The following PTCHD1 variants were observed in gnomAD, a reference collection of about 807,000 sequenced individuals.
The protein encoded by PTCHD1 is patched domain containing 1, also known as patched domain-containing protein 1.
Under a neutral mutation model 34.6 loss-of-function variants are expected in PTCHD1, and 3 were observed. The ratio of observed to expected loss-of-function variants is 0.09; its 90% CI spans 0.04 to 0.22. The LOEUF is 0.22. Among genes scored for constraint, PTCHD1 ranks in the 10% least tolerant of loss-of-function variants. The pLI, the probability that PTCHD1 is intolerant of heterozygous loss-of-function variation, is 1.00. For missense variants in PTCHD1, 504 were observed against 685.5 expected, an observed-to-expected ratio of 0.74 and a Z score of 2.96; for synonymous variants, 305 against 283.1, an observed-to-expected ratio of 1.08 and a Z score of -0.77.
intron 1 of PTCHD1, among the ~76,000 whole-genome samples, chrX:23,355,726 C>T (rs1387892331): frequency 8.9e-6 from 1 of 112,065 alleles, no homozygotes; most frequent in African/African-American, 3.2e-5. Context: ...ATCTGTAGGC[C>T]GGTTTAAATT....
intron 2 of PTCHD1, among the ~76,000 whole-genome samples, chrX:23,380,840 T>C (rs1310717749): frequency 1.8e-5 from 2 of 111,220 alleles, no homozygotes; most frequent in Non-Finnish European, 3.8e-5. Context: ...CCTTTGTGAT[T>C]CATTGAGGGC....
In PTCHD1 at chrX:23,343,674, T is replaced by C. The variant is rs112970919; in HGVS notation, c.351+8448T>C. Among the ~76,000 whole-genome samples the C allele has an allele frequency of 6.2e-3, 693 of 112,074 alleles. 7 individuals are homozygous for C. Among genetic ancestry groups the C allele is most frequent in the African/African-American group, 0.021 (634 of 30,820 alleles). On this transcript the variant is annotated intron_variant, in intron 1 of 2. Coordinates refer to ENST00000379361, the MANE Select transcript of PTCHD1 (RefSeq NM_173495.3). ...AAGAGGCAAACTTAAAAGAAAATGA[T>C]ACTGGTACAAAATCAGCATATTTCT...
chrX:23,390,805 C>T (rs776040563), intron 2 of PTCHD1, among the ~76,000 whole-genome samples: 1 of 112,065 alleles, frequency 8.9e-6, no homozygotes, highest in Non-Finnish European at 1.9e-5. Flanking sequence ...AGATGTACAC[C>T]TAGCTATTGT....
Position 23,378,144 on chromosome X carries a change from A to G in PTCHD1, c.352-1447A>G, listed in dbSNP as rs1038751041. Among the ~76,000 whole-genome samples the G allele has an allele frequency of 2.7e-5, 3 of 112,247 alleles. No homozygotes were observed. The Admixed American group carries it at 2.8e-4, about 11-fold the overall frequency. ...TGCACACGGGCCACATTTTATACAGAGAAAGCAAAGCCACCATGAGGATAA... is the reference window on the plus strand; with the variant it reads ...TGCACACGGGCCACATTTTATACAGGGAAAGCAAAGCCACCATGAGGATAA... On this transcript the variant is annotated intron_variant, in intron 1 of 2. Coordinates refer to ENST00000379361, the MANE Select transcript of PTCHD1 (RefSeq NM_173495.3).
intron 1 of PTCHD1, chrX:23,351,162 T>C: frequency 1.6e-6 from 1 of 638,557 alleles, no homozygotes; most frequent in Non-Finnish European, 2.5e-6. Flanking sequence ...GAGCCATGAA[T>C]ACTGTCCAAA....
In PTCHD1 at chrX:23,397,510, T is replaced by C. The variant is rs984740810; in HGVS notation, c.*3325T>C. 1.8e-5 allele frequency: 2 copies of C among 112,147 alleles called. No individual in the cohort carries two copies. The highest frequency in any genetic ancestry group is 2.8e-4 in the East Asian group (1 of 3,594). The allele number at this position is 112,147 out of a possible 1,213,427, so 9.2% of individuals were successfully genotyped here. A position where few individuals can be genotyped will look rare whatever the true frequency, so the allele number is the denominator to read the frequency against. ...TGGGTTTTGGAGTTTTTAGTTTCTTTGATGTTTGTTTTGCTTTAATTTGGT... is the reference window on the plus strand; with the variant it reads ...TGGGTTTTGGAGTTTTTAGTTTCTTCGATGTTTGTTTTGCTTTAATTTGGT... On this transcript the variant is annotated 3_prime_UTR_variant, in exon 3 of 3. Transcript: ENST00000379361.
At position 23,399,570 on chromosome X, in the gene PTCHD1, T is replaced by C. The variant is rs1032343770; in HGVS notation, c.*5385T>C. Reference sequence around the variant, plus strand: ...TTTGGCTAATGAGCAATCAAGAACTTTTGAACTATCTTTTCTCTAAGGATC... The same window carrying C: ...TTTGGCTAATGAGCAATCAAGAACTCTTGAACTATCTTTTCTCTAAGGATC... On this transcript the variant is annotated 3_prime_UTR_variant, in exon 3 of 3. Coordinates refer to ENST00000379361, the MANE Select transcript of PTCHD1 (RefSeq NM_173495.3). 2 of 112,251 alleles carry C rather than the reference T, an allele frequency of 1.8e-5. No homozygotes were observed. Among genetic ancestry groups the C allele is most frequent in the African/African-American group, 6.5e-5 (2 of 30,931 alleles). 9.3% of individuals were successfully genotyped at this position (112,251 alleles called of 1,213,427 possible).
At chrX:23,341,667 C>G (rs1921314064) in intron 1 of PTCHD1, among the ~76,000 whole-genome samples, 2 of 112,131 alleles carry the variant, frequency 1.8e-5, no homozygotes, top group African/African-American at 6.5e-5. Context: ...GATTTAATGA[C>G]CAGCAGGGGA....
intron 1 of PTCHD1, among the ~76,000 whole-genome samples, chrX:23,345,915 CAG>C (rs759916623): frequency 5.8e-4 from 65 of 111,650 alleles, no homozygotes; most frequent in Admixed American, 3.7e-3. Context: ...GCATGTTGAA[CAG>C]AGGGCCGTAC....
Position 23,376,349 on chromosome X carries a change from T to C in PTCHD1, c.352-3242T>C, listed in dbSNP as rs762143650. Among the ~76,000 whole-genome samples, 18 of 112,290 alleles carry C rather than the reference T, an allele frequency of 1.6e-4. No homozygotes were observed. The South Asian group carries it at 6.4e-3, about 40-fold the overall frequency. ...GAAGAGCGTCTCTTACCTAGTTCAA[T>C]AACAAGCTTATATGGATCGCAGTTG... On this transcript the variant is annotated intron_variant, in intron 1 of 2. Coordinates refer to ENST00000379361, the MANE Select transcript of PTCHD1 (RefSeq NM_173495.3).
At chrX:23,356,250 C>T (rs936612110) in intron 1 of PTCHD1, among the ~76,000 whole-genome samples, 4 of 111,819 alleles carry the variant, frequency 3.6e-5, no homozygotes, top group African/African-American at 9.8e-5. Context: ...GTGCTGGGAG[C>T]GGGGATATAA....
At chrX:23,388,411 T>TG (rs2146648291) in intron 2 of PTCHD1, among the ~76,000 whole-genome samples, 1 of 112,501 alleles carries the variant, frequency 8.9e-6, no homozygotes, top group East Asian at 2.8e-4. Context: ...AAACACCTTT[T>TG]TAAAAAGTAG....
chrX:23,348,045 G>A (rs919381021), intron 1 of PTCHD1, among the ~76,000 whole-genome samples: 1 of 111,000 alleles, frequency 9.0e-6, no homozygotes, highest in African/African-American at 3.3e-5. Context: ...ATATGTTAAG[G>A]GCTTTAGTGG....
rs1255514619 is a variant in PTCHD1, at chrX:23,393,682, C to A, written c.2164C>A (p.Leu722Met). The change falls in exon 3 of 3, where the codon CTG becomes ATG. Residue 722 changes from leucine (L) to methionine (M), a missense_variant. Coordinates refer to ENST00000379361, the MANE Select transcript of PTCHD1 (RefSeq NM_173495.3). The stretch of plus-strand genomic sequence containing the variant: ...CTCGGCATTCCTGGTGGCAGATTCA[C>A]TGATTAACGTCTGGATCACTCTCAC... ...FFSAFLVADS[L>M]INVWITLTVV... 1.7e-6 allele frequency: 2 copies of A among 1,210,308 alleles called. No individual in the cohort carries two copies. The highest frequency in any genetic ancestry group is 2.2e-6 in the Non-Finnish European group (2 of 895,231).
intron 2 of PTCHD1, 140 bp downstream of exon 2, chrX:23,380,391 TATA>T (rs1389218782): frequency 1.8e-4 from 107 of 594,184 alleles, no homozygotes; most frequent in Non-Finnish European, 3.6e-5. Context: ...GGACCCACTC[TATA>T]AAGTGCTGGT....
In PTCHD1 at chrX:23,379,611, G is replaced by A; in HGVS notation, c.372G>A (p.Lys124=). The part of the protein sequence containing the change: ...LILKLHAAVT[K]IQVPRPGFNY... ...CACAGTTGCATGCTGCTGTCACCAA[G>A]ATCCAGGTTCCAAGGCCTGGTTTTA... Residue 124 remains lysine (K), a synonymous_variant, in exon 2 of 3, where the codon AAG becomes AAA. Coordinates refer to ENST00000379361, the MANE Select transcript of PTCHD1 (RefSeq NM_173495.3). 8.3e-7 allele frequency: 1 copy of A among 1,211,620 alleles called. No individual in the cohort carries two copies. The highest frequency in any genetic ancestry group is 1.8e-5 in the South Asian group (1 of 56,943).
At chrX:23,382,626 G>GA (rs1470112513) in intron 2 of PTCHD1, among the ~76,000 whole-genome samples, 1 of 112,800 alleles carries the variant, frequency 8.9e-6, no homozygotes, top group African/African-American at 3.2e-5. Flanking sequence ...GTTCAATTCA[G>GA]AAAAAATCTA....
At chrX:23,365,805 CAA>C (rs946309469) in intron 1 of PTCHD1, among the ~76,000 whole-genome samples, 1 of 112,174 alleles carries the variant, frequency 8.9e-6, no homozygotes, top group Non-Finnish European at 1.9e-5. Context: ...GGTGTGCTCT[CAA>C]GAGATAAGGG....
intron 1 of PTCHD1, among the ~76,000 whole-genome samples, chrX:23,349,144 G>A (rs924006039): frequency 9.0e-5 from 10 of 110,843 alleles, no homozygotes; most frequent in Non-Finnish European, 1.7e-4. Context: ...TTTTTTTAAA[G>A]AAGTAAAATT....
Sources: gnomAD v4.1 joint callset for allele counts (sites outside exome capture counted in the v4.1 genomes callset) on GRCh38, gnomAD v4.1.1 for gene constraint, MANE v1.5 for transcripts, NCBI Gene and HGNC (gene_info 2026-07-23, HGNC 2026-07-21) for gene names.